SYNCRIP: variants seen among roughly 807,000 people sequenced by gnomAD.
SYNCRIP encodes the protein synaptotagmin binding cytoplasmic RNA interacting protein.
A neutral mutation model predicts 68.9 loss-of-function variants in SYNCRIP; 9 were observed. That is an observed-to-expected ratio of 0.13 (90% CI 0.08 to 0.23). The LOEUF (loss-of-function observed/expected upper bound fraction) is 0.23. Ranked by LOEUF, SYNCRIP falls within the 10% of genes least tolerant of loss-of-function variation. The pLI is 1.00. For synonymous variants in SYNCRIP, 258 were observed against 254.0 expected (o/e 1.02, Z -0.15); for missense variants, 414 against 770.6 (o/e 0.54, Z 5.48).
rs1297455323 is a variant in SYNCRIP at position 85,615,139 on chromosome 6, C to G, written c.1489G>C (p.Gly497Arg). Residue 497 changes from glycine (G) to arginine (R), a missense_variant, in exon 11 of 11, where the codon GGA becomes CGA. By Grantham distance (125) the Gly-to-Arg change is moderately radical. This residue lies in a region of SYNCRIP where 72 missense variants were observed against 119.8 expected (regional missense o/e 0.60). Transcript: ENST00000369622. ...GYEDFQVGAR[G>R]RGGRGARGAA... is the part of the protein sequence containing the mutation. ...CCCCTTGCTCCTCTACCACCCCTTC[C>G]TCTAGCTCCAACTTGAAAATCTTCA... 6.2e-7 allele frequency: 1 copy of G among 1,613,942 alleles called. No homozygotes were observed. Among genetic ancestry groups the G allele is most frequent in the Non-Finnish European group, 8.5e-7 (1 of 1,180,014 alleles).
intron 6 of SYNCRIP, among the ~76,000 whole-genome samples, chr6:85,633,008 T>C (rs554743206): frequency 6.3e-4 from 96 of 152,102 alleles, no homozygotes; most frequent in African/African-American, 2.0e-3. Flanking sequence ...ATCCCAGCAC[T>C]TTGGGAAGCC....
chr6:85,618,686 G>T, intron 10 of SYNCRIP, 132 bp downstream of exon 10: 1 of 679,566 alleles, frequency 1.5e-6, no homozygotes, highest in South Asian at 2.5e-5. Context: ...GTTTCCCTAT[G>T]ACTCTCAAAC....
At chr6:85,634,610 G>A (rs1808234375) in intron 6 of SYNCRIP, among the ~76,000 whole-genome samples, 1 of 151,508 alleles carries the variant, frequency 6.6e-6, no homozygotes, top group South Asian at 2.1e-4. Context: ...TTTTTTGGGA[G>A]TATCTTCAAT....
chr6:85,637,390 T>A, intron 4 of SYNCRIP, 34 bp from the exon 5 acceptor site: 1 of 1,357,560 alleles, frequency 7.4e-7, no homozygotes, highest in Non-Finnish European at 1.0e-6. Context: ...ATACATTTAA[T>A]TCACTAGACC....
Position 85,614,395 on chromosome 6 carries a change from T to C in SYNCRIP, c.*361A>G, listed in dbSNP as rs1805528514. The C allele has an allele frequency of 1.0e-6, 1 of 1,002,984 alleles. No individual in the cohort carries two copies. Among genetic ancestry groups the C allele is most frequent in the Non-Finnish European group, 1.2e-6 (1 of 841,998 alleles). 62.1% of individuals were successfully genotyped at this position (1,002,984 alleles called of 1,614,324 possible). On this transcript the variant is annotated 3_prime_UTR_variant, in exon 11 of 11. Transcript: ENST00000369622. Reference sequence around the variant, plus strand: ...TACAAAGTTATTCTGATACAAGATATTAAAGACACACTTGGTTTTAATCAA... The same window carrying C: ...TACAAAGTTATTCTGATACAAGATACTAAAGACACACTTGGTTTTAATCAA...
chr6:85,621,542 C>T (rs1426663768), intron 8 of SYNCRIP, among the ~76,000 whole-genome samples: 1 of 150,050 alleles, frequency 6.7e-6, no homozygotes, highest in African/African-American at 2.5e-5. Flanking sequence ...GAGCTTGGGG[C>T]TACAGTCAGC....
chr6:85,609,141 T>C (rs1011367200), downstream of SYNCRIP: 3 of 151,946 alleles, frequency 2.0e-5, no homozygotes, highest in Non-Finnish European at 4.4e-5. Context: ...GTGGTATACA[T>C]AATTAGAGAG....
chr6:85,637,214 C>A (rs1391551045), intron 5 of SYNCRIP, 29 bp downstream of exon 5: 5 of 1,608,078 alleles, frequency 3.1e-6, no homozygotes, highest in Non-Finnish European at 4.2e-6. Flanking sequence ...GCTTTTACTA[C>A]AAAAGGTACA....
At chr6:85,629,187 C>T (rs569837576) in intron 6 of SYNCRIP, among the ~76,000 whole-genome samples, 3 of 152,132 alleles carry the variant, frequency 2.0e-5, no homozygotes, top group African/African-American at 7.2e-5. Flanking sequence ...CTAGATTCAC[C>T]TTTTTTCTTC....
chr6:85,641,227 T>C (rs1809103256), intron 2 of SYNCRIP, 65 bp downstream of exon 2: 16 of 1,421,312 alleles, frequency 1.1e-5, no homozygotes, highest in South Asian at 3.7e-5. Context: ...GTTGCTATTT[T>C]AGCTCAAAGC....
chr6:85,643,474 C>T (rs1809451798), upstream of SYNCRIP, among the ~76,000 whole-genome samples: 1 of 152,028 alleles, frequency 6.6e-6, no homozygotes, highest in Admixed American at 6.5e-5. Flanking sequence ...GGCCGAGGGG[C>T]CGAGACTGAA....
chr6:85,640,604 A>C (rs1354386176), intron 2 of SYNCRIP, 40 bp from the exon 3 acceptor site: 1 of 1,351,114 alleles, frequency 7.4e-7, no homozygotes, highest in Non-Finnish European at 1.0e-6. Context: ...ATATTTTTAG[A>C]AAAGATTTTT....
chr6:85,617,989 A>T (rs1425335984), intron 10 of SYNCRIP, among the ~76,000 whole-genome samples: 1 of 152,154 alleles, frequency 6.6e-6, no homozygotes, highest in Non-Finnish European at 1.5e-5. Flanking sequence ...CTCATTACAC[A>T]CCTACTTGTT....
At chr6:85,613,807 A>C (rs1805468897), downstream of SYNCRIP, among the ~76,000 whole-genome samples, 1 of 152,192 alleles carries the variant, frequency 6.6e-6, no homozygotes, top group African/African-American at 2.4e-5. Flanking sequence ...AAAACAGTCA[A>C]GAGGGCAATA....
At chr6:85,635,843 T>TA (rs1269052867) in intron 6 of SYNCRIP, among the ~76,000 whole-genome samples, 2 of 150,740 alleles carry the variant, frequency 1.3e-5, no homozygotes, top group South Asian at 4.2e-4. Context: ...AAGGCTTGCT[T>TA]AAAGTGATAA....
intron 7 of SYNCRIP, 79 bp from the exon 8 acceptor site, chr6:85,622,766 T>C (rs1319809141): frequency 9.0e-6 from 10 of 1,113,012 alleles, no homozygotes; most frequent in Non-Finnish European, 8.0e-6. Context: ...TTATCTAAGA[T>C]ACTACTTAAA....
intron 1 of SYNCRIP, among the ~76,000 whole-genome samples, chr6:85,641,722 A>G (rs1269499532): frequency 6.6e-6 from 1 of 152,200 alleles, no homozygotes; most frequent in African/African-American, 2.4e-5. Context: ...GAGCCCAATC[A>G]GCACGGGTAC....
At chr6:85,609,900 G>A (rs1458879690), downstream of SYNCRIP, 1 of 151,842 alleles carries the variant, frequency 6.6e-6, no homozygotes, top group Non-Finnish European at 1.5e-5. Context: ...ATTCTTTGAA[G>A]CTGTCAAAGC....
chr6:85,630,315 C>G (rs980190321), intron 6 of SYNCRIP, among the ~76,000 whole-genome samples: 1 of 152,158 alleles, frequency 6.6e-6, no homozygotes, highest in African/African-American at 2.4e-5. Context: ...GAGCCGAGAT[C>G]GTGCCACTGC....
Sources: allele counts gnomAD v4.1 joint callset (sites outside exome capture counted in the v4.1 genomes callset), GRCh38; gene constraint gnomAD v4.1.1; regional missense constraint gnomAD v4.1.1; transcripts MANE v1.5; gene names NCBI Gene and HGNC (gene_info 2026-07-23, HGNC 2026-07-21).